PLS3: variants seen among roughly 807,000 people sequenced by gnomAD.
PLS3 encodes plastin 3.
In PLS3, 11 loss-of-function variants were observed where a neutral mutation model predicts 46.5. The observed-to-expected ratio is 0.24, with a 90% CI of 0.15 to 0.39. PLS3 has a LOEUF of 0.39. Among genes scored for constraint, PLS3 ranks in the 10% least tolerant of loss-of-function variants. PLS3 has a pLI of 1.00. For synonymous variants in PLS3, 167 were observed against 162.2 expected (o/e 1.03, Z -0.22); for missense variants, 308 against 461.8 (o/e 0.67, Z 3.05).
intron 1 of PLS3, among the ~76,000 whole-genome samples, chrX:115,588,229 G>A (rs1336416232): frequency 8.9e-6 from 1 of 111,859 alleles, no homozygotes; most frequent in Non-Finnish European, 1.9e-5. Flanking sequence ...CACTTCTCTC[G>A]AGTTTTGGTG....
At chrX:115,637,028 G>A in intron 8 of PLS3, 50 bp downstream of exon 8, 1 of 1,106,823 alleles carries the variant, frequency 9.0e-7, no homozygotes, top group Non-Finnish European at 1.2e-6. Context: ...ATAGCTGGAA[G>A]ATTTCATCCC....
At chrX:115,646,866 C>T (rs782631899) in intron 13 of PLS3, among the ~76,000 whole-genome samples, 1 of 112,236 alleles carries the variant, frequency 8.9e-6, no homozygotes, top group African/African-American at 3.2e-5. Flanking sequence ...ATAAAGATCT[C>T]TCTCTGTAAT....
intron 1 of PLS3, among the ~76,000 whole-genome samples, chrX:115,573,113 A>G (rs1215997417): frequency 1.8e-5 from 2 of 108,635 alleles, no homozygotes; most frequent in African/African-American, 3.4e-5. Flanking sequence ...AAAAAAAAGA[A>G]AAAAGAAAGA....
intron 7 of PLS3, among the ~76,000 whole-genome samples, chrX:115,636,137 G>A (rs1022895338): frequency 7.2e-5 from 8 of 110,428 alleles, no homozygotes; most frequent in Non-Finnish European, 1.5e-4. Flanking sequence ...CGTGTTTCTA[G>A]ACTACTTTAA....
At chrX:115,568,074 A>G (rs1355875035) in intron 1 of PLS3, among the ~76,000 whole-genome samples, 1 of 111,110 alleles carries the variant, frequency 9.0e-6, no homozygotes, top group Non-Finnish European at 1.9e-5. Context: ...TTTTTTCTAT[A>G]TTTCTTAACT....
chrX:115,631,316 C>T (rs1293805778), intron 5 of PLS3, among the ~76,000 whole-genome samples: 1 of 109,239 alleles, frequency 9.2e-6, no homozygotes, highest in Admixed American at 1.0e-4. Flanking sequence ...GGTGATCTGC[C>T]CGCCTCGGCC....
chrX:115,582,815 G>T (rs2074286479), intron 1 of PLS3, among the ~76,000 whole-genome samples: 1 of 112,535 alleles, frequency 8.9e-6, no homozygotes, highest in African/African-American at 3.2e-5. Context: ...GACGCGGGCG[G>T]ATCACTTGAG....
intron 1 of PLS3, among the ~76,000 whole-genome samples, chrX:115,592,395 A>G (rs1253608522): frequency 9.0e-6 from 1 of 111,331 alleles, no homozygotes; most frequent in Non-Finnish European, 1.9e-5. Context: ...ATAGATATGA[A>G]CCCAGGGCTC....
At chrX:115,635,492 A>G (rs1420704398) in intron 7 of PLS3, among the ~76,000 whole-genome samples, 4 of 108,584 alleles carry the variant, frequency 3.7e-5, no homozygotes, top group Non-Finnish European at 7.6e-5. Flanking sequence ...TCTACTAAAA[A>G]TACAAAAAAT....
intron 1 of PLS3, among the ~76,000 whole-genome samples, chrX:115,562,109 C>T (rs2074141265): frequency 9.1e-6 from 1 of 110,189 alleles, no homozygotes; most frequent in Non-Finnish European, 1.9e-5. Context: ...GGCAAAGGGG[C>T]GACGGGAGGG....
chrX:115,568,062 C>CT, intron 1 of PLS3, among the ~76,000 whole-genome samples: 1 of 111,463 alleles, frequency 9.0e-6, no homozygotes, highest in Non-Finnish European at 1.9e-5. Context: ...AATTTTCAAG[C>CT]TTTTTTTCTA....
chrX:115,593,451 AAGTATTGTATC>A (rs1556633388), intron 1 of PLS3: 1 of 111,214 alleles, frequency 9.0e-6, no homozygotes, highest in East Asian at 2.8e-4. Flanking sequence ...GGGGATTCGT[AAGTATTGTATC>A]ATTCTTTTGT....
chrX:115,583,835 G>A (rs2074292375), intron 1 of PLS3, among the ~76,000 whole-genome samples: 1 of 112,051 alleles, frequency 8.9e-6, no homozygotes, highest in Non-Finnish European at 1.9e-5. Context: ...AAGCAGTGAT[G>A]TTTTGACTCT....
intron 1 of PLS3, among the ~76,000 whole-genome samples, chrX:115,607,445 T>G (rs1241364190): frequency 9.0e-6 from 1 of 111,508 alleles, no homozygotes; most frequent in African/African-American, 3.3e-5. Context: ...AAGAAAAGTT[T>G]ATGAATAGGC....
chrX:115,561,419 T>G (rs181700781), intron 1 of PLS3, among the ~76,000 whole-genome samples, 159 bp downstream of exon 1: 3 of 111,229 alleles, frequency 2.7e-5, no homozygotes, highest in African/African-American at 9.8e-5. Context: ...GAAATTTCAG[T>G]TGGAGCCCTC....
chrX:115,643,997 G>A (rs2074925416), intron 10 of PLS3, among the ~76,000 whole-genome samples: 1 of 111,112 alleles, frequency 9.0e-6, no homozygotes, highest in African/African-American at 3.3e-5. Flanking sequence ...AAAATAAAAA[G>A]TAGTCGAGTC....
chrX:115,626,787 A>G (rs143187371), intron 3 of PLS3, among the ~76,000 whole-genome samples: 1,785 of 110,645 alleles, frequency 0.016, 39 homozygotes, highest in African/African-American at 0.056. Context: ...AGCTATGTAA[A>G]TAATTGCATT....
intron 8 of PLS3, among the ~76,000 whole-genome samples, chrX:115,637,717 G>A (rs1420931674): frequency 3.6e-5 from 4 of 111,676 alleles, no homozygotes; most frequent in African/African-American, 1.3e-4. Flanking sequence ...ACATCCAGAT[G>A]TTGGTACACA....
rs1179709235 is a variant in PLS3 at position 115,579,577 on chromosome X, CTG to C, written c.-9+18319_-9+18320del. 1.8e-5 allele frequency among the ~76,000 whole-genome samples: 2 copies of C among 111,992 alleles called. 1 individual carries two copies. The highest frequency in any genetic ancestry group is 6.5e-5 in the African/African-American group (2 of 30,761). On this transcript the variant is annotated intron_variant, in intron 1 of 15. Coordinates refer to ENST00000355899, the MANE Select transcript of PLS3 (RefSeq NM_005032.7). ...TCCTTGCCAGCCTTTGGTGGTGTCACTGTTTTTCATTTTAGCCATTCTGATAG... is the reference window on the plus strand; with the variant it reads ...TCCTTGCCAGCCTTTGGTGGTGTCACTTTTTCATTTTAGCCATTCTGATAG...
Sources: allele counts gnomAD v4.1 joint callset (sites outside exome capture counted in the v4.1 genomes callset), GRCh38; gene constraint gnomAD v4.1.1; transcripts MANE v1.5; gene names NCBI Gene and HGNC (gene_info 2026-07-23, HGNC 2026-07-21).